The following TOPAZ1 variants were observed in gnomAD, a reference collection of about 807,000 sequenced individuals.
TOPAZ1 encodes the protein protein TOPAZ1.
In TOPAZ1, 66 loss-of-function variants were observed where a neutral mutation model predicts 172.2. That is an observed-to-expected ratio of 0.38 (90% CI 0.31 to 0.47). The LOEUF is 0.47. TOPAZ1 is among the 20% of genes least tolerant of loss of function. The pLI, the probability that TOPAZ1 is intolerant of heterozygous loss-of-function variation, is 0.99. For synonymous variants in TOPAZ1, 681 were observed against 683.9 expected (o/e 1.00, Z 0.07); for missense variants, 1,822 against 1,972.4 (o/e 0.92, Z 1.44).
downstream of TOPAZ1, among the ~76,000 whole-genome samples, chr3:44,332,718 T>G (rs540780143): frequency 4.6e-5 from 7 of 152,318 alleles, no homozygotes; most frequent in Non-Finnish European, 8.8e-5. Flanking sequence ...CTTTGATACT[T>G]TAAACCGTAA....
intron 16 of TOPAZ1, among the ~76,000 whole-genome samples, chr3:44,316,690 T>TA (rs1453371173): frequency 6.6e-6 from 1 of 152,182 alleles, no homozygotes; most frequent in African/African-American, 2.4e-5. Flanking sequence ...AGGCAGTCCT[T>TA]AGTCATCTCA....
At position 44,282,003 on chromosome 3, in the gene TOPAZ1, C is replaced by T; in HGVS notation, c.3408C>T (p.Ile1136=). 6.5e-7 allele frequency: 1 copy of T among 1,547,308 alleles called. No individual in the cohort carries two copies. Among genetic ancestry groups the T allele is most frequent in the East Asian group, 2.5e-5 (1 of 40,738 alleles). ...ATGTGTTTAAGAAATATATAAATATCAATGAACTGTGTTTGCTACAGCGTG... is the reference window on the plus strand; with the variant it reads ...ATGTGTTTAAGAAATATATAAATATTAATGAACTGTGTTTGCTACAGCGTG... ...CMDVFKKYIN[I]NELCLLQRAV... Residue 1136 remains isoleucine (I), a synonymous_variant, in exon 9 of 20, where the codon ATC becomes ATT. Coordinates refer to ENST00000309765, the MANE Select transcript of TOPAZ1 (RefSeq NM_001145030.2).
chr3:44,295,031 C>G (rs895860483), intron 12 of TOPAZ1, among the ~76,000 whole-genome samples: 1 of 152,124 alleles, frequency 6.6e-6, no homozygotes, highest in Non-Finnish European at 1.5e-5. Flanking sequence ...TTATTAGTTA[C>G]TTTTTGTTTA....
chr3:44,259,997 C>A (rs1699757856), intron 4 of TOPAZ1, among the ~76,000 whole-genome samples: 1 of 152,070 alleles, frequency 6.6e-6, no homozygotes, highest in Admixed American at 6.6e-5. Context: ...GGGCAGTTCC[C>A]CCATATTGTT....
chr3:44,323,607 C>G (rs1489703676), intron 18 of TOPAZ1, among the ~76,000 whole-genome samples: 1 of 152,130 alleles, frequency 6.6e-6, no homozygotes, highest in Admixed American at 6.6e-5. Flanking sequence ...ATAAATAATG[C>G]AAGCATAAAA....
At chr3:44,309,461 G>A (rs2125701186) in intron 15 of TOPAZ1, among the ~76,000 whole-genome samples, 1 of 152,274 alleles carries the variant, frequency 6.6e-6, no homozygotes, top group Middle Eastern at 3.4e-3. Flanking sequence ...ACCAACAGAA[G>A]AGGAGCAAAA....
At chr3:44,323,361 A>G (rs1316243710) in intron 18 of TOPAZ1, 66 bp downstream of exon 18, 8 of 975,668 alleles carry the variant, frequency 8.2e-6, no homozygotes, top group Non-Finnish European at 1.2e-5. Context: ...CAGAATTTAT[A>G]ATATATAAGA....
At chr3:44,270,606 T>C in intron 7 of TOPAZ1, 79 bp from the exon 8 acceptor site, 1 of 1,020,722 alleles carries the variant, frequency 9.8e-7, no homozygotes, top group Non-Finnish European at 1.3e-6. Flanking sequence ...GTTATTTGTG[T>C]TGCTTCAAAT....
chr3:44,267,649 G>T (rs1699847215), intron 6 of TOPAZ1, among the ~76,000 whole-genome samples: 1 of 152,086 alleles, frequency 6.6e-6, no homozygotes, highest in Non-Finnish European at 1.5e-5. Context: ...ATGTGATAGT[G>T]GTAGTACGAG....
intron 2 of TOPAZ1, among the ~76,000 whole-genome samples, chr3:44,251,272 C>T (rs529221634): frequency 2.0e-5 from 3 of 152,082 alleles, no homozygotes; most frequent in South Asian, 2.1e-4. Context: ...AGGTGCATGC[C>T]GCCACACCTG....
chr3:44,256,444 A>G (rs1028909677), intron 4 of TOPAZ1, among the ~76,000 whole-genome samples, 166 bp downstream of exon 4: 4 of 152,214 alleles, frequency 2.6e-5, no homozygotes, highest in African/African-American at 9.6e-5. Flanking sequence ...TGGTGTAAGC[A>G]TAGTATAAAA....
intron 4 of TOPAZ1, among the ~76,000 whole-genome samples, chr3:44,257,196 G>A (rs990193924): frequency 6.6e-5 from 10 of 151,654 alleles, no homozygotes; most frequent in South Asian, 2.1e-4. Context: ...TTAGCAAGGC[G>A]TGCTGGCATC....
chr3:44,269,396 C>T, intron 7 of TOPAZ1, 95 bp downstream of exon 7: 1 of 649,742 alleles, frequency 1.5e-6, no homozygotes, highest in South Asian at 1.9e-5. Context: ...CCTCCACTCC[C>T]TCTTTTATCC....
intron 5 of TOPAZ1, among the ~76,000 whole-genome samples, chr3:44,262,692 T>C (rs560271620): frequency 2.0e-4 from 31 of 152,314 alleles, no homozygotes; most frequent in Admixed American, 4.6e-4. Context: ...TTTTGAGCCA[T>C]TAAAATATTT....
At chr3:44,273,946 T>G (rs1699924446) in intron 8 of TOPAZ1, among the ~76,000 whole-genome samples, 1 of 152,134 alleles carries the variant, frequency 6.6e-6, no homozygotes, top group Admixed American at 6.6e-5. Flanking sequence ...TTCAAGTGCT[T>G]TACGTATATT....
intron 4 of TOPAZ1, among the ~76,000 whole-genome samples, chr3:44,256,690 TG>T (rs1699707528): frequency 6.6e-6 from 1 of 152,160 alleles, no homozygotes; most frequent in Admixed American, 6.5e-5. Context: ...TTGTTTTGTT[TG>T]AGGGAAGGGG....
chr3:44,317,438 T>A (rs1272260717), intron 16 of TOPAZ1, among the ~76,000 whole-genome samples: 1 of 152,044 alleles, frequency 6.6e-6, no homozygotes, highest in African/African-American at 2.4e-5. Flanking sequence ...TAAATAAAAA[T>A]AAATGTATAC....
chr3:44,267,174 T>G, intron 6 of TOPAZ1, 38 bp downstream of exon 6: 7 of 1,434,024 alleles, frequency 4.9e-6, no homozygotes, highest in Non-Finnish European at 6.4e-6. Flanking sequence ...TGTTGGCTTT[T>G]GGTGATATAG....
chr3:44,242,856 A>G lies in TOPAZ1; in HGVS notation c.350A>G (p.Lys117Arg), dbSNP rs757527758. ...ELPLQTERHT[K>R]EKRKVTEASS... The stretch of plus-strand genomic sequence containing the variant: ...TATATTTTGTTGTTTTGATCAGCCA[A>G]GGAAAAAAGAAAAGTTACTGAAGCC... Residue 117 changes from lysine (K) to arginine (R), a missense_variant, in exon 2 of 20, where the codon AAG becomes AGG. This residue lies in a region of TOPAZ1 where 1,489 missense variants were observed against 1,490.8 expected (regional missense o/e 1.00). Transcript: ENST00000309765. 8 of 1,497,964 alleles carry G rather than the reference A, an allele frequency of 5.3e-6. No individual in the cohort carries two copies. Among genetic ancestry groups the G allele is most frequent in the Non-Finnish European group, 6.2e-6 (7 of 1,127,876 alleles). 92.8% of individuals were successfully genotyped at this position (1,497,964 alleles called of 1,614,324 possible). A position where few individuals can be genotyped will look rare whatever the true frequency, so the allele number is the denominator to read the frequency against.
Sources: gnomAD v4.1 joint callset for allele counts (sites outside exome capture counted in the v4.1 genomes callset) on GRCh38, gnomAD v4.1.1 for gene constraint, gnomAD v4.1.1 regional missense constraint, MANE v1.5 for transcripts, NCBI Gene and HGNC (gene_info 2026-07-23, HGNC 2026-07-21) for gene names.